The following MFAP5 variants were observed in gnomAD, a reference collection of about 807,000 sequenced individuals.
The protein encoded by MFAP5 is microfibrillar-associated protein 5.
MFAP5 carries 19 observed loss-of-function variants against 30.1 expected under a neutral mutation model. That is an observed-to-expected ratio of 0.63 (90% CI 0.44 to 0.93). The LOEUF is 0.93. Ranked by LOEUF, MFAP5 falls within the 40% of genes least tolerant of loss-of-function variation. The probability of loss-of-function intolerance (pLI) is 0.00; values close to 1 mark genes in which losing one functional copy is unlikely to be tolerated. For synonymous variants in MFAP5, 92 were observed against 72.9 expected (o/e 1.26, Z -1.33); for missense variants, 210 against 221.3 (o/e 0.95, Z 0.32).
rs886850684 is a variant in MFAP5 at position 8,647,097 on chromosome 12, A to G, written c.*994T>C. 4 of 152,220 alleles carry G rather than the reference A, an allele frequency of 2.6e-5. No individual in the cohort carries two copies. The highest frequency in any genetic ancestry group is 9.6e-5 in the African/African-American group (4 of 41,458). 9.4% of individuals were successfully genotyped at this position (152,220 alleles called of 1,614,324 possible). ...TTTCTTTCACTCTTTCGTATTAACT[A>G]TTAGGCAAACTTTCTGTCTGCCTAT... On this transcript the variant is annotated 3_prime_UTR_variant, in exon 10 of 10. Coordinates refer to ENST00000359478, the MANE Select transcript of MFAP5 (RefSeq NM_003480.4).
At position 8,654,599 on chromosome 12, in the gene MFAP5, T is replaced by C. The variant is rs17802192; in HGVS notation, c.173-118A>G. On this transcript the variant is annotated intron_variant, in intron 5 of 9. Coordinates refer to ENST00000359478, the MANE Select transcript of MFAP5 (RefSeq NM_003480.4). ...GTGGAAGACTATGTCTGGCTTTGTGTTTTATGTATAAGGGAATAGAATTAA... is the reference window on the plus strand; with the variant it reads ...GTGGAAGACTATGTCTGGCTTTGTGCTTTATGTATAAGGGAATAGAATTAA... 76,457 of 920,864 alleles carry C rather than the reference T, an allele frequency of 0.083. 3,585 individuals carry two copies. The highest frequency in any genetic ancestry group is 0.11 in the Middle Eastern group (504 of 4,656). 57.0% of individuals were successfully genotyped at this position (920,864 alleles called of 1,614,324 possible).
Position 8,647,931 on chromosome 12 carries a change from A to G in MFAP5, c.*160T>C. ...GCTAGAAAATGAGATAAATGTTATCAGTTTGGGTGAAAAAGTAGAGAGTAG... is the reference window on the plus strand; with the variant it reads ...GCTAGAAAATGAGATAAATGTTATCGGTTTGGGTGAAAAAGTAGAGAGTAG... On this transcript the variant is annotated 3_prime_UTR_variant, in exon 10 of 10. Transcript: ENST00000359478. 4 of 523,872 alleles carry G rather than the reference A, an allele frequency of 7.6e-6. No homozygotes were observed. Among genetic ancestry groups the G allele is most frequent in the Non-Finnish European group, 1.0e-5 (3 of 290,256 alleles). The allele number at this position is 523,872 out of a possible 1,614,324, so 32.5% of individuals were successfully genotyped here.
Position 8,649,511 on chromosome 12 carries a change from T to C in MFAP5, c.399A>G (p.Glu133=). 6.2e-7 allele frequency: 1 copy of C among 1,613,956 alleles called. No individual in the cohort carries two copies. The highest frequency in any genetic ancestry group is 1.3e-5 in the African/African-American group (1 of 75,052). Residue 133 remains glutamate, a synonymous_variant, in exon 9 of 10, where the codon GAA becomes GAG. Transcript: ENST00000359478. The part of the protein sequence containing the change: ...ICSRLVCKEH[E]AMKDELCRQM... The stretch of plus-strand genomic sequence containing the variant: ...CAGACATCATCTTACCTTTCATAGC[T>C]TCGTGTTCCTTACAGACAAGACGAG...
At chr12:8,662,454 T>C (rs972642264) in intron 1 of MFAP5, 173 bp downstream of exon 1, 1 of 237,982 alleles carries the variant, frequency 4.2e-6, no homozygotes, top group African/African-American at 2.3e-5. Context: ...CTTTTTCATA[T>C]CATCTGCTCA....
chr12:8,655,569 C>T (rs1470769481), intron 4 of MFAP5, 122 bp from the exon 5 acceptor site: 5 of 1,094,836 alleles, frequency 4.6e-6, no homozygotes, highest in African/African-American at 3.2e-5. Context: ...CCTGTGGACT[C>T]GGGCAGATGA....
intron 3 of MFAP5, among the ~76,000 whole-genome samples, chr12:8,660,088 A>G (rs1276854203): frequency 1.3e-5 from 2 of 152,142 alleles, no homozygotes; most frequent in Non-Finnish European, 2.9e-5. Context: ...GAATGGTGTG[A>G]GCAAAAATTA....
rs779901395 is a variant in MFAP5, at chr12:8,650,578, C to T, written c.259G>A (p.Glu87Lys). ...TAGAGCCTTGTGCAGGTAAATTTCT[C>T]ATCCCAGCACTCTGAGGAAGCCCAA... The part of the protein sequence containing the change: ...EKNTTAECWD[E>K]KFTCTRLYSV... Residue 87 changes from glutamate to lysine, a missense_variant, in exon 8 of 10, where the codon GAG becomes AAG. Coordinates refer to ENST00000359478, the MANE Select transcript of MFAP5 (RefSeq NM_003480.4). The T allele has an allele frequency of 8.1e-6, 13 of 1,613,642 alleles. No individual in the cohort carries two copies. The Admixed American group carries it at 2.0e-4, about 25-fold the overall frequency.
chr12:8,656,867 C>T (rs1942017061), intron 3 of MFAP5, among the ~76,000 whole-genome samples: 1 of 151,906 alleles, frequency 6.6e-6, no homozygotes, highest in Non-Finnish European at 1.5e-5. Flanking sequence ...GGGGTTTCAC[C>T]ATATTGGCCA....
At chr12:8,649,691 C>A in intron 8 of MFAP5, 117 bp from the exon 9 acceptor site, 1 of 730,428 alleles carries the variant, frequency 1.4e-6, no homozygotes, top group Non-Finnish European at 2.4e-6. Context: ...TCCCTATCTG[C>A]TTTTCCCCAA....
intron 4 of MFAP5, 43 bp from the exon 5 acceptor site, chr12:8,655,490 A>G (rs1179920211): frequency 3.2e-6 from 5 of 1,586,498 alleles, no homozygotes; most frequent in East Asian, 4.5e-5. Context: ...GCAGTCAGGA[A>G]AAGTAGCTAA....
intron 9 of MFAP5, among the ~76,000 whole-genome samples, chr12:8,649,111 G>C (rs1286471543): frequency 6.6e-6 from 1 of 152,228 alleles, no homozygotes; most frequent in Non-Finnish European, 1.5e-5. Context: ...ATGTGCGTGT[G>C]TATGTTTTAT....
chr12:8,651,543 T>G, intron 7 of MFAP5, 119 bp downstream of exon 7: 2 of 1,056,302 alleles, frequency 1.9e-6, no homozygotes, highest in African/African-American at 1.6e-5. Context: ...ACTAATACTC[T>G]TTGAGAAATA....
intron 3 of MFAP5, among the ~76,000 whole-genome samples, chr12:8,659,472 G>A (rs950886604): frequency 6.6e-6 from 1 of 152,046 alleles, no homozygotes; most frequent in Non-Finnish European, 1.5e-5. Flanking sequence ...ATATGTCTGC[G>A]AGAAAAGCAT....
At chr12:8,652,761 GA>G (rs1941871813) in intron 6 of MFAP5, among the ~76,000 whole-genome samples, 1 of 152,120 alleles carries the variant, frequency 6.6e-6, no homozygotes, top group Admixed American at 6.5e-5. Flanking sequence ...CCTTTTTATG[GA>G]AGAGTTCTTG....
intron 3 of MFAP5, among the ~76,000 whole-genome samples, chr12:8,658,141 G>A (rs980552306): frequency 3.9e-5 from 6 of 152,084 alleles, no homozygotes; most frequent in Non-Finnish European, 5.9e-5. Flanking sequence ...TTGAGGTCAG[G>A]AGTTTGAGAC....
intron 3 of MFAP5, among the ~76,000 whole-genome samples, chr12:8,657,770 C>A (rs1234478423): frequency 6.6e-6 from 1 of 151,636 alleles, no homozygotes; most frequent in Non-Finnish European, 1.5e-5. Context: ...CAGGGTTTCA[C>A]CATGTTGGCC....
At chr12:8,655,762 C>A (rs1484863936) in intron 4 of MFAP5, 24 bp downstream of exon 4, 4 of 1,604,114 alleles carry the variant, frequency 2.5e-6, no homozygotes, top group Non-Finnish European at 3.4e-6. Flanking sequence ...AGCAAACAAA[C>A]AAACAAACAA....
intron 3 of MFAP5, among the ~76,000 whole-genome samples, chr12:8,659,683 T>G (rs1198700320): frequency 6.6e-6 from 1 of 152,126 alleles, no homozygotes; most frequent in Non-Finnish European, 1.5e-5. Context: ...AAAAAAAATT[T>G]TTGTATTTTT....
chr12:8,654,385 G>A (rs1941924338), intron 6 of MFAP5, 52 bp downstream of exon 6: 2 of 1,525,052 alleles, frequency 1.3e-6, no homozygotes, highest in Admixed American at 3.8e-5. Context: ...ATGGGCTCTG[G>A]GGAAAGCCTA....
Sources: gnomAD v4.1 joint callset for allele counts (sites outside exome capture counted in the v4.1 genomes callset) on GRCh38, gnomAD v4.1.1 for gene constraint, MANE v1.5 for transcripts, NCBI Gene and HGNC (gene_info 2026-07-23, HGNC 2026-07-21) for gene names.